The following DAPK1 variants were observed in gnomAD, a reference collection of about 807,000 sequenced individuals.
The protein encoded by DAPK1 is death associated protein kinase 1.
DAPK1 carries 56 observed loss-of-function variants against 144.9 expected under a neutral mutation model. That is an observed-to-expected ratio of 0.39 (90% CI 0.31 to 0.48). The LOEUF is 0.48. Ranked by LOEUF, DAPK1 falls within the 20% of genes least tolerant of loss-of-function variation. The pLI, the probability that DAPK1 is intolerant of heterozygous loss-of-function variation, is 0.95. For missense variants in DAPK1, 1,454 were observed against 1,875.4 expected, an observed-to-expected ratio of 0.78 and a Z score of 4.15; for synonymous variants, 690 against 749.0, an observed-to-expected ratio of 0.92 and a Z score of 1.29.
chr9:87,560,242 T>G (rs1353187892), intron 2 of DAPK1, among the ~76,000 whole-genome samples: 1 of 152,136 alleles, frequency 6.6e-6, no homozygotes, highest in African/African-American at 2.4e-5. Context: ...GTGATCTGCC[T>G]GCCTTGGCCT....
chr9:87,684,338 G>T (rs1242024709), intron 20 of DAPK1, among the ~76,000 whole-genome samples: 1 of 151,722 alleles, frequency 6.6e-6, no homozygotes, highest in Non-Finnish European at 1.5e-5. Context: ...CTGGCAGGCC[G>T]TGCTGGGGTC....
intron 2 of DAPK1, among the ~76,000 whole-genome samples, chr9:87,523,851 T>C (rs1481803920): frequency 6.6e-6 from 1 of 152,184 alleles, no homozygotes; most frequent in Non-Finnish European, 1.5e-5. Flanking sequence ...GCAAAGCTGC[T>C]GTTTCCAGGA....
intron 2 of DAPK1, among the ~76,000 whole-genome samples, chr9:87,508,672 C>T (rs1216500627): frequency 1.3e-5 from 2 of 152,174 alleles, no homozygotes; most frequent in Admixed American, 1.3e-4. Flanking sequence ...GACCTTACTA[C>T]AACCCCTGAC....
intron 2 of DAPK1, among the ~76,000 whole-genome samples, chr9:87,583,479 G>A (rs1022456232): frequency 2.0e-5 from 3 of 152,188 alleles, no homozygotes; most frequent in African/African-American, 7.2e-5. Flanking sequence ...CAAGCAAGGG[G>A]AAATAATGAA....
rs36211680 is a variant in DAPK1, at chr9:87,641,215, G to C, written c.828+368G>C. Among the ~76,000 whole-genome samples, 329 of 152,310 alleles carry C rather than the reference G, an allele frequency of 2.2e-3. 2 individuals are homozygous for C. The highest frequency in any genetic ancestry group is 7.4e-3 in the African/African-American group (306 of 41,574). On this transcript the variant is annotated intron_variant, in intron 9 of 25. Coordinates refer to ENST00000408954, the MANE Select transcript of DAPK1 (RefSeq NM_004938.4). ...CTTCTCTTGGGAAATCTGAAGATCT[G>C]CTGACACTGAGCCCTCATTCCACGT...
At chr9:87,667,277 C>T (rs1007519446) in intron 18 of DAPK1, among the ~76,000 whole-genome samples, 6 of 152,178 alleles carry the variant, frequency 3.9e-5, no homozygotes, top group Non-Finnish European at 7.3e-5. Context: ...AACAGAGAGA[C>T]GGGCAGTTCT....
Position 87,642,042 on chromosome 9 carries a change from C to T in DAPK1, c.902C>T (p.Ala301Val). The change falls in exon 10 of 26, where the codon GCC becomes GTC. Residue 301 changes from alanine to valine, a missense_variant. By Grantham distance (64) the Ala-to-Val change is moderately conservative. This residue lies in a region of DAPK1 where 429 missense variants were observed against 637.5 expected (regional missense o/e 0.67). Transcript: ENST00000408954. ...VNMEKFKKFA[A>V]RKKWKQSVRL... is the part of the protein sequence containing the mutation. ...ATGGAGAAATTCAAGAAGTTTGCAG[C>T]CCGGAAAAAATGGAAAGTAAGATTG... is the stretch of plus-strand genomic sequence containing the variant. 1.2e-6 allele frequency: 2 copies of T among 1,613,694 alleles called. No individual in the cohort carries two copies. Among genetic ancestry groups the T allele is most frequent in the Non-Finnish European group, 1.7e-6 (2 of 1,179,790 alleles).
intron 17 of DAPK1, among the ~76,000 whole-genome samples, chr9:87,652,003 A>C (rs1323625216): frequency 8.4e-6 from 1 of 118,404 alleles, no homozygotes; most frequent in Non-Finnish European, 1.8e-5. Context: ...GTGTCCTCCC[A>C]CCTGATCCCG....
intron 12 of DAPK1, 40 bp from the exon 13 acceptor site, chr9:87,646,421 C>T (rs548041459): frequency 1.1e-4 from 164 of 1,489,020 alleles, no homozygotes; most frequent in South Asian, 9.7e-4. Flanking sequence ...CCTTTCCTAC[C>T]AAACCTGAAA....
intron 2 of DAPK1, among the ~76,000 whole-genome samples, chr9:87,576,719 G>A (rs967175375): frequency 1.3e-5 from 2 of 152,182 alleles, no homozygotes; most frequent in East Asian, 1.9e-4. Context: ...CACTGCACCC[G>A]GCCAATTTTT....
Position 87,700,252 on chromosome 9 carries a change from G to A in DAPK1, c.2871+15G>A, listed in dbSNP as rs1220549204. 1.2e-6 allele frequency: 2 copies of A among 1,607,750 alleles called. No individual in the cohort carries two copies. The highest frequency in any genetic ancestry group is 3.3e-5 in the Admixed American group (2 of 60,016). ...AGATTGTTTCGGTAAGTACACCATG[G>A]AAAGAGCCTGGACCCCTTTGTACTT... On this transcript the variant is annotated intron_variant, in intron 24 of 25. Coordinates refer to ENST00000408954, the MANE Select transcript of DAPK1 (RefSeq NM_004938.4).
At chr9:87,521,118 G>A (rs557355880) in intron 2 of DAPK1, among the ~76,000 whole-genome samples, 1 of 152,270 alleles carries the variant, frequency 6.6e-6, no homozygotes, top group South Asian at 2.1e-4. Context: ...GCTTCATTTT[G>A]GCTTCAGCAC....
chr9:87,665,672 CTGGCCTG>C (rs1291815534), intron 18 of DAPK1, among the ~76,000 whole-genome samples: 3 of 152,234 alleles, frequency 2.0e-5, no homozygotes, highest in Non-Finnish European at 2.9e-5. Flanking sequence ...CTAAAACTGG[CTGGCCTG>C]TGGGGCTCCG....
At chr9:87,640,112 G>A (rs1830045092) in intron 7 of DAPK1, among the ~76,000 whole-genome samples, 186 bp from the exon 8 acceptor site, 1 of 152,216 alleles carries the variant, frequency 6.6e-6, no homozygotes, top group African/African-American at 2.4e-5. Context: ...AACTTGTTAA[G>A]TGAATCCTTT....
chr9:87,517,307 G>T (rs1237575392), intron 2 of DAPK1, among the ~76,000 whole-genome samples: 1 of 152,068 alleles, frequency 6.6e-6, no homozygotes. Flanking sequence ...CTTCTTCTCG[G>T]TGGACTGGGT....
chr9:87,505,547 C>T (rs1014956089), intron 2 of DAPK1, among the ~76,000 whole-genome samples: 13 of 152,118 alleles, frequency 8.5e-5, no homozygotes, highest in Non-Finnish European at 1.5e-4. Context: ...AGGCGCCTGC[C>T]ACCGTGCCTG....
chr9:87,535,664 A>T (rs1825835101), intron 2 of DAPK1, among the ~76,000 whole-genome samples: 1 of 152,192 alleles, frequency 6.6e-6, no homozygotes. Flanking sequence ...ATAGGAACAT[A>T]ATTCAAGATC....
chr9:87,695,819 C>G (rs1564075372), intron 21 of DAPK1, among the ~76,000 whole-genome samples: 1 of 152,128 alleles, frequency 6.6e-6, no homozygotes, highest in South Asian at 2.1e-4. Flanking sequence ...TATCCTATAC[C>G]CTGGCACGTT....
chr9:87,557,017 AG>A (rs1247315952), intron 2 of DAPK1, among the ~76,000 whole-genome samples: 1 of 152,056 alleles, frequency 6.6e-6, no homozygotes, highest in African/African-American at 2.4e-5. Context: ...CTTGGCCTCT[AG>A]GGATTCATAT....
Sources: allele counts gnomAD v4.1 joint callset (sites outside exome capture counted in the v4.1 genomes callset), GRCh38; gene constraint gnomAD v4.1.1; regional missense constraint gnomAD v4.1.1; transcripts MANE v1.5; gene names NCBI Gene and HGNC (gene_info 2026-07-23, HGNC 2026-07-21).